TBC1D1: variants seen among roughly 807,000 people sequenced by gnomAD.
The protein encoded by TBC1D1 is TBC1 (tre-2/USP6, BUB2, cdc16) domain family, member 1.
A neutral mutation model predicts 125.6 loss-of-function variants in TBC1D1; 89 were observed. The ratio of observed to expected loss-of-function variants is 0.71; its 90% CI spans 0.60 to 0.85. The LOEUF (loss-of-function observed/expected upper bound fraction) is 0.85. Ranked by LOEUF, TBC1D1 falls within the 40% of genes least tolerant of loss-of-function variation. The probability of loss-of-function intolerance (pLI) is 0.00; values close to 1 mark genes in which losing one functional copy is unlikely to be tolerated. For missense variants in TBC1D1, 1,377 were observed against 1,469.2 expected, an observed-to-expected ratio of 0.94 and a Z score of 1.03; for synonymous variants, 565 against 564.1, an observed-to-expected ratio of 1.00 and a Z score of -0.02.
chr4:38,124,792 TG>T (rs1425061418), intron 17 of TBC1D1, among the ~76,000 whole-genome samples, 169 bp from the exon 20 acceptor site: 31 of 152,252 alleles, frequency 2.0e-4, no homozygotes, highest in African/African-American at 7.2e-4. Flanking sequence ...TTTGCAATAC[TG>T]TCTTGACAAC....
At position 38,053,021 on chromosome 4, in the gene TBC1D1, G is replaced by A. The variant is rs1473143918; in HGVS notation, c.1911-1178G>A. 3.9e-6 allele frequency: 4 copies of A among 1,030,322 alleles called. No individual in the cohort carries two copies. The African/African-American group carries it at 6.6e-5, about 17-fold the overall frequency. The allele number at this position is 1,030,322 out of a possible 1,614,324, so 63.8% of individuals were successfully genotyped here. On this transcript the variant is annotated intron_variant, in intron 11 of 19. Transcript: ENST00000261439. ...CTTTTCTTAGCATTAGAACAAAAAT[G>A]TTTCTTTTATTTTGAAGCTTATATT...
At position 37,902,170 on chromosome 4, in the gene TBC1D1, G is replaced by A; in HGVS notation, c.75G>A (p.Leu25=). 1.2e-6 allele frequency: 2 copies of A among 1,612,570 alleles called. No individual in the cohort carries two copies. Among genetic ancestry groups the A allele is most frequent in the Admixed American group, 1.7e-5 (1 of 59,860 alleles). The change falls in exon 2 of 20, where the codon CTG becomes CTA. Residue 25 remains leucine, a synonymous_variant. Transcript: ENST00000261439. ...TCTCGGTGGATTTTGGCCTGCAGCT[G>A]GTGGGCTCCCTGCCTGTGCATTCCC...
intron 10 of TBC1D1, among the ~76,000 whole-genome samples, chr4:38,048,870 A>C (rs1285391582): frequency 6.6e-6 from 1 of 152,204 alleles, no homozygotes; most frequent in African/African-American, 2.4e-5. Context: ...CAACTTTAAA[A>C]TATTGTCATG....
chr4:38,089,027 T>C (rs1483940607), intron 12 of TBC1D1, among the ~76,000 whole-genome samples: 1 of 152,220 alleles, frequency 6.6e-6, no homozygotes, highest in Non-Finnish European at 1.5e-5. Flanking sequence ...AATTTATTCA[T>C]TTGTCTGATA....
At chr4:38,129,833 T>C (rs1208008051) in intron 18 of TBC1D1, among the ~76,000 whole-genome samples, 1 of 152,182 alleles carries the variant, frequency 6.6e-6, no homozygotes, top group Non-Finnish European at 1.5e-5. Context: ...TACTAGATAA[T>C]AGAAAGACAT....
intron 8 of TBC1D1, among the ~76,000 whole-genome samples, chr4:38,037,332 C>T (rs1446709882): frequency 1.3e-5 from 2 of 151,414 alleles, no homozygotes; most frequent in East Asian, 3.9e-4. Flanking sequence ...CTGAGCCTTA[C>T]AAGCAGAACT....
At chr4:37,933,744 C>T (rs572064293) in intron 2 of TBC1D1, among the ~76,000 whole-genome samples, 2 of 152,222 alleles carry the variant, frequency 1.3e-5, no homozygotes, top group South Asian at 4.1e-4. Flanking sequence ...GATTCATTGT[C>T]TTCACCTCCG....
rs1160553260 is a variant in TBC1D1 at position 38,115,706 on chromosome 4, A to C, written c.2558-4A>C. ...ATTACAACTAATATGTATTCTTTTC[A>C]CAGGGCGAACCTTTCCTACACACCC... On this transcript the variant is annotated splice_region_variant and splice_polypyrimidine_tract_variant and intron_variant, in intron 15 of 19. Transcript: ENST00000261439. 1 of 1,609,030 alleles carries C rather than the reference A, an allele frequency of 6.2e-7. No individual in the cohort carries two copies.
At chr4:38,020,237 A>G (rs897952874) in intron 4 of TBC1D1, among the ~76,000 whole-genome samples, 3 of 152,202 alleles carry the variant, frequency 2.0e-5, no homozygotes, top group African/African-American at 7.2e-5. Flanking sequence ...CTGTAATCCC[A>G]GCACTTTGGG....
At chr4:38,058,577 C>G (rs1006502694) in intron 12 of TBC1D1, among the ~76,000 whole-genome samples, 3 of 152,216 alleles carry the variant, frequency 2.0e-5, no homozygotes, top group Non-Finnish European at 4.4e-5. Flanking sequence ...CTTTTAACAC[C>G]TATTTCAGGT....
Position 38,023,152 on chromosome 4 carries a change from C to T in TBC1D1, c.1210+1434C>T, listed in dbSNP as rs189462273. ...ATTCCAGCTACTTGGGAGGCTGAGG[C>T]AGGAGAATCATTTGAGCCCGGGAGA... On this transcript the variant is annotated intron_variant, in intron 6 of 19. Transcript: ENST00000261439. Among the ~76,000 whole-genome samples, 906 of 150,390 alleles carry T rather than the reference C, an allele frequency of 6.0e-3. 8 individuals carry two copies. Among genetic ancestry groups the T allele is most frequent in the African/African-American group, 0.02 (833 of 40,798 alleles).
At chr4:37,961,493 A>G (rs1367694822) in intron 2 of TBC1D1, among the ~76,000 whole-genome samples, 2 of 152,216 alleles carry the variant, frequency 1.3e-5, no homozygotes, top group Non-Finnish European at 2.9e-5. Flanking sequence ...TGTTCATGAA[A>G]TCCCGTATCT....
At chr4:38,101,941 G>T (rs1333713626) in intron 14 of TBC1D1, among the ~76,000 whole-genome samples, 1 of 151,998 alleles carries the variant, frequency 6.6e-6, no homozygotes, top group Non-Finnish European at 1.5e-5. Context: ...TCAAATGAAG[G>T]ATTCTGTGGA....
rs1380423687 is a variant in TBC1D1, at chr4:38,021,795, G to C, written c.1210+77G>C. The C allele has an allele frequency of 3.0e-6, 4 of 1,355,526 alleles. No individual in the cohort carries two copies. In the East Asian group the frequency reaches 1.2e-4, roughly 40 times the overall value. The allele number at this position is 1,355,526 out of a possible 1,614,324, so 84.0% of individuals were successfully genotyped here. On this transcript the variant is annotated intron_variant, in intron 6 of 19. Coordinates refer to ENST00000261439, the MANE Select transcript of TBC1D1 (RefSeq NM_015173.4). Reference sequence around the variant, plus strand: ...GGAGAACTTTAGATGATACTCATCTGTTGGAAGATTCTGCCTAACAGAGGC... The same window carrying C: ...GGAGAACTTTAGATGATACTCATCTCTTGGAAGATTCTGCCTAACAGAGGC...
intron 2 of TBC1D1, among the ~76,000 whole-genome samples, chr4:37,945,551 A>AAAAAC (rs1726529845): frequency 2.5e-5 from 3 of 120,044 alleles, no homozygotes; most frequent in African/African-American, 9.9e-5. Flanking sequence ...AAAAAAAAAA[A>AAAAAC]GCCTAGAAGC....
At chr4:38,052,181 G>A in intron 11 of TBC1D1, 121 bp downstream of exon 12, 1 of 794,860 alleles carries the variant, frequency 1.3e-6, no homozygotes, top group South Asian at 1.8e-5. Flanking sequence ...GTGTGTGTGT[G>A]TGTGTGTGTG....
Position 38,087,853 on chromosome 4 carries a change from A to G in TBC1D1, c.2051-2079A>G, listed in dbSNP as rs1230586927. Among the ~76,000 whole-genome samples, 34 of 134,252 alleles carry G rather than the reference A, an allele frequency of 2.5e-4. 1 individual carries two copies. The highest frequency in any genetic ancestry group is 8.5e-4 in the African/African-American group (28 of 32,760). The allele number at this position is 134,252 out of a possible 152,430, so 88.1% of individuals were successfully genotyped here. On this transcript the variant is annotated intron_variant, in intron 12 of 19. Transcript: ENST00000261439. Reference sequence around the variant, plus strand: ...AGAATGAGATTCCGTCTCAAAAAAAAAAAAAAAAAGAAAAAAAAAAAAAAG... The same window carrying G: ...AGAATGAGATTCCGTCTCAAAAAAAGAAAAAAAAAGAAAAAAAAAAAAAAG...
intron 2 of TBC1D1, among the ~76,000 whole-genome samples, chr4:37,929,444 G>C (rs541296964): frequency 6.6e-6 from 1 of 152,140 alleles, no homozygotes; most frequent in Non-Finnish European, 1.5e-5. Flanking sequence ...TATTTGTTAA[G>C]AATGCAAGTT....
At chr4:37,975,337 G>T (rs955077612) in intron 2 of TBC1D1, among the ~76,000 whole-genome samples, 3 of 152,202 alleles carry the variant, frequency 2.0e-5, no homozygotes, top group African/African-American at 7.2e-5. Flanking sequence ...CTATCTAAAA[G>T]GCAGAACCAG....
Sources: gnomAD v4.1 joint callset for allele counts (sites outside exome capture counted in the v4.1 genomes callset) on GRCh38, gnomAD v4.1.1 for gene constraint, MANE v1.5 for transcripts, NCBI Gene and HGNC (gene_info 2026-07-23, HGNC 2026-07-21) for gene names.